Variants in TGFBR2 observed in about 807,000 individuals in gnomAD.
TGFBR2 encodes the protein transforming growth factor beta receptor 2.
In TGFBR2, 18 loss-of-function variants were observed where a neutral mutation model predicts 49.0. That is an observed-to-expected ratio of 0.37 (90% CI 0.25 to 0.54). The LOEUF (loss-of-function observed/expected upper bound fraction) is 0.54. Ranked by LOEUF, TGFBR2 falls within the 20% of genes least tolerant of loss-of-function variation. The pLI is 0.85. For synonymous variants in TGFBR2, 282 were observed against 275.9 expected (o/e 1.02, Z -0.22); for missense variants, 525 against 722.6 (o/e 0.73, Z 3.13).
chr3:30,691,906 GTT>G lies in TGFBR2; in HGVS notation c.*310_*311del, dbSNP rs199931498. The G allele has an allele frequency of 2.4e-3, 670 of 280,680 alleles. 3 individuals carry two copies. Among genetic ancestry groups the G allele is most frequent in the African/African-American group, 0.016 (597 of 36,606 alleles). 17.4% of individuals were successfully genotyped at this position (280,680 alleles called of 1,614,324 possible). The stretch of plus-strand genomic sequence containing the variant: ...CCTGTATATAAATATGAATAGCTAT[GTT>G]TTATATATATATATATATATCTATA... On this transcript the variant is annotated 3_prime_UTR_variant, in exon 7 of 7. Transcript: ENST00000295754.
intron 5 of TGFBR2, among the ~76,000 whole-genome samples, chr3:30,683,373 A>G (rs1356143688): frequency 6.6e-6 from 1 of 152,220 alleles, no homozygotes; most frequent in Non-Finnish European, 1.5e-5. Context: ...TGATGTTGCC[A>G]CAACACTCAA....
At chr3:30,667,907 A>G (rs1699271077) in intron 3 of TGFBR2, among the ~76,000 whole-genome samples, 1 of 152,222 alleles carries the variant, frequency 6.6e-6, no homozygotes, top group South Asian at 2.1e-4. Flanking sequence ...CAATGAGGTT[A>G]TTAAAATAAC....
intron 4 of TGFBR2, 119 bp from the exon 5 acceptor site, chr3:30,673,986 G>A: frequency 8.8e-7 from 1 of 1,132,118 alleles, no homozygotes; most frequent in Admixed American, 1.9e-5. Flanking sequence ...CTTTAAAACA[G>A]CACTTTGATT....
At chr3:30,629,371 T>C (rs905222703) in intron 1 of TGFBR2, among the ~76,000 whole-genome samples, 18 of 152,232 alleles carry the variant, frequency 1.2e-4, no homozygotes, top group African/African-American at 4.3e-4. Flanking sequence ...GGCCCTCCAC[T>C]TTCATGAACC....
intron 3 of TGFBR2, 48 bp from the exon 4 acceptor site, chr3:30,671,590 T>TA (rs1389854938): frequency 2.5e-6 from 4 of 1,601,532 alleles, no homozygotes; most frequent in Non-Finnish European, 3.4e-6. Context: ...TGACAGTACT[T>TA]ACCTACCACA....
At chr3:30,649,795 C>T (rs1698845580) in intron 2 of TGFBR2, among the ~76,000 whole-genome samples, 1 of 152,080 alleles carries the variant, frequency 6.6e-6, no homozygotes, top group African/African-American at 2.4e-5. Flanking sequence ...TGACTATTTC[C>T]CCAGGCATGC....
chr3:30,689,275 C>T (rs551382807), intron 6 of TGFBR2, among the ~76,000 whole-genome samples: 7 of 152,216 alleles, frequency 4.6e-5, no homozygotes, highest in African/African-American at 1.4e-4. Context: ...AAAAAGAAAA[C>T]GATAGGTTGT....
chr3:30,691,039 A>C (rs11466529), intron 6 of TGFBR2, among the ~76,000 whole-genome samples: 7,412 of 152,238 alleles, frequency 0.049, 572 homozygotes, highest in African/African-American at 0.17. Context: ...CTGTGAAGCG[A>C]GAACTTCTCT....
chr3:30,620,863 G>A (rs902544384), intron 1 of TGFBR2, among the ~76,000 whole-genome samples: 8 of 152,158 alleles, frequency 5.3e-5, no homozygotes, highest in African/African-American at 1.9e-4. Context: ...ACCTACCTGA[G>A]GGTAAATAAT....
intron 5 of TGFBR2, among the ~76,000 whole-genome samples, chr3:30,682,173 G>A (rs907676932): frequency 3.9e-5 from 6 of 152,186 alleles, no homozygotes; most frequent in African/African-American, 9.7e-5. Flanking sequence ...GGGAGGTGGC[G>A]GTGCAGCTGG....
intron 2 of TGFBR2, among the ~76,000 whole-genome samples, chr3:30,648,072 T>TC (rs1439690810): frequency 6.6e-6 from 1 of 152,114 alleles, no homozygotes; most frequent in Non-Finnish European, 1.5e-5. Context: ...AAAAAAGAAG[T>TC]CCGTATTTAC....
chr3:30,646,129 C>T (rs1465898798), intron 2 of TGFBR2, among the ~76,000 whole-genome samples: 1 of 152,156 alleles, frequency 6.6e-6, no homozygotes, highest in African/African-American at 2.4e-5. Context: ...TATCTCTCCC[C>T]CTTTTTTGGG....
At chr3:30,634,561 T>C (rs1698494540) in intron 1 of TGFBR2, among the ~76,000 whole-genome samples, 2 of 152,198 alleles carry the variant, frequency 1.3e-5, no homozygotes, top group Non-Finnish European at 1.5e-5. Context: ...GGTTGACTAA[T>C]TTTGCTGGTA....
chr3:30,631,623 T>A (rs1407066794), intron 1 of TGFBR2, among the ~76,000 whole-genome samples: 3 of 20,956 alleles, frequency 1.4e-4, no homozygotes, highest in Non-Finnish European at 2.5e-4. Context: ...ACTTCTTTCT[T>A]TTTTTTTTTT....
At chr3:30,621,739 T>C (rs1328986930) in intron 1 of TGFBR2, among the ~76,000 whole-genome samples, 2 of 152,248 alleles carry the variant, frequency 1.3e-5, no homozygotes, top group Non-Finnish European at 2.9e-5. Flanking sequence ...AGGACGTTTG[T>C]GGTAAGTAGA....
chr3:30,643,030 A>C (rs778401605), intron 1 of TGFBR2, among the ~76,000 whole-genome samples: 1 of 152,148 alleles, frequency 6.6e-6, no homozygotes, highest in Non-Finnish European at 1.5e-5. Context: ...GCAAATCTTA[A>C]ATTTATATAC....
At position 30,650,073 on chromosome 3, in the gene TGFBR2, GA is replaced by G. The variant is rs11466494; in HGVS notation, c.264-193del. Among the ~76,000 whole-genome samples, 3,804 of 152,262 alleles carry G rather than the reference GA, an allele frequency of 0.025. 171 individuals carry two copies. Among genetic ancestry groups the G allele is most frequent in the African/African-American group, 0.087 (3,596 of 41,522 alleles). ...TCCAAGAATAAACAAAGGAAAAACAGAAAAGAGTAGAAAAGCATAGGAGACT... is the reference window on the plus strand; with the variant it reads ...TCCAAGAATAAACAAAGGAAAAACAGAAAGAGTAGAAAAGCATAGGAGACT... On this transcript the variant is annotated intron_variant, in intron 2 of 6. Coordinates refer to ENST00000295754, the MANE Select transcript of TGFBR2 (RefSeq NM_003242.6).
chr3:30,665,562 C>T (rs1283732073), intron 3 of TGFBR2, among the ~76,000 whole-genome samples: 2 of 152,218 alleles, frequency 1.3e-5, no homozygotes, highest in Non-Finnish European at 2.9e-5. Flanking sequence ...CACTGCGGAG[C>T]TCCCTTCCCA....
chr3:30,645,351 A>T (rs1330667064), intron 2 of TGFBR2, among the ~76,000 whole-genome samples: 2 of 152,134 alleles, frequency 1.3e-5, no homozygotes, highest in South Asian at 2.1e-4. Flanking sequence ...TGGAAGAGAA[A>T]ACTACCAGCC....
Sources: gnomAD v4.1 joint callset for allele counts (sites outside exome capture counted in the v4.1 genomes callset) on GRCh38, gnomAD v4.1.1 for gene constraint, MANE v1.5 for transcripts, NCBI Gene and HGNC (gene_info 2026-07-23, HGNC 2026-07-21) for gene names.